Variants in DNAH8 observed in about 807,000 individuals in gnomAD.
DNAH8 encodes axonemal beta dynein heavy chain 8.
DNAH8 carries 382 observed loss-of-function variants against 562.1 expected under a neutral mutation model. The observed-to-expected ratio is 0.68, with a 90% CI of 0.63 to 0.74. The LOEUF (loss-of-function observed/expected upper bound fraction) is 0.74. Among genes scored for constraint, DNAH8 ranks in the 30% least tolerant of loss-of-function variants. The pLI is 0.00. For synonymous variants in DNAH8, 1,881 were observed against 1,919.4 expected, an observed-to-expected ratio of 0.98 and a Z score of 0.52; for missense variants, 5,203 against 5,620.4, an observed-to-expected ratio of 0.93 and a Z score of 2.37.
rs1780898758 is a variant in DNAH8 at position 38,911,565 on chromosome 6, CA to C, written c.9839del (p.Gln3280ArgfsTer5). Reference sequence around the variant, plus strand: ...TGAAAAGGTGAAGTTCATTAATGAACAGGCTGAACGTATGAATATTGGTAAG... The same window carrying C: ...TGAAAAGGTGAAGTTCATTAATGAACGGCTGAACGTATGAATATTGGTAAG... ...YAEKVKFINE[Q>X]AERMNIGLDK... On this transcript the variant is annotated frameshift_variant, in exon 66 of 93. Coordinates refer to ENST00000327475, the MANE Select transcript of DNAH8 (RefSeq NM_001206927.2). LOFTEE classifies it high-confidence loss of function. 6.2e-7 allele frequency: 1 copy of C among 1,605,040 alleles called. No individual in the cohort carries two copies. Among genetic ancestry groups the C allele is most frequent in the Non-Finnish European group, 8.5e-7 (1 of 1,172,002 alleles).
In DNAH8 at chr6:38,794,678, C is replaced by G. The variant is rs559803932; in HGVS notation, c.2901+3004C>G. ...TGCAGAATATATTCTCTATTTCTGA[C>G]TTCTTTTGCTCAGTGTTATATGTAT... On this transcript the variant is annotated intron_variant, in intron 21 of 92. Transcript: ENST00000327475. Among the ~76,000 whole-genome samples the G allele has an allele frequency of 1.3e-3, 204 of 152,298 alleles. 1 individual carries two copies. The highest frequency in any genetic ancestry group is 2.3e-3 in the Non-Finnish European group (159 of 68,026).
At chr6:39,023,977 C>T (rs557336996) in intron 91 of DNAH8, among the ~76,000 whole-genome samples, 1 of 152,344 alleles carries the variant, frequency 6.6e-6, no homozygotes, top group South Asian at 2.1e-4. Flanking sequence ...CAACATCATT[C>T]CCATTAGGGA....
intron 91 of DNAH8, among the ~76,000 whole-genome samples, chr6:39,023,571 A>C (rs1310702168): frequency 6.6e-6 from 1 of 152,240 alleles, no homozygotes; most frequent in African/African-American, 2.4e-5. Context: ...GCTCTTATAG[A>C]GAAAAATATA....
rs1779283441 is a variant in DNAH8, at chr6:38,890,662, A to G, written c.8484A>G (p.Gly2828=). Residue 2828 remains glycine (G), a synonymous_variant, in exon 58 of 93, where the codon GGA becomes GGG. Coordinates refer to ENST00000327475, the MANE Select transcript of DNAH8 (RefSeq NM_001206927.2). ...TTGCTTATCTTTCAGGAATTATTGG[A>G]TGTGGATACTTTGATCCTTGTAGAA... ...ASIDKIFGII[G]CGYFDPCRSF... 1 of 1,609,628 alleles carries G rather than the reference A, an allele frequency of 6.2e-7. No homozygotes were observed. Among genetic ancestry groups the G allele is most frequent in the Admixed American group, 1.7e-5 (1 of 60,002 alleles).
At chr6:39,003,440 A>G (rs1765610143) in intron 88 of DNAH8, among the ~76,000 whole-genome samples, 1 of 152,198 alleles carries the variant, frequency 6.6e-6, no homozygotes, top group Admixed American at 6.5e-5. Context: ...AATATTCTTT[A>G]TTCTAAAAGT....
chr6:38,732,639 C>A (rs146241273), intron 4 of DNAH8, among the ~76,000 whole-genome samples: 8 of 152,236 alleles, frequency 5.3e-5, no homozygotes, highest in Admixed American at 2.0e-4. Flanking sequence ...GATTTCAGGG[C>A]AGTTTCTTTA....
At chr6:38,806,953 C>T (rs1442467135) in intron 23 of DNAH8, among the ~76,000 whole-genome samples, 2 of 152,206 alleles carry the variant, frequency 1.3e-5, no homozygotes, top group African/African-American at 2.4e-5. Flanking sequence ...TCAGAGGGGC[C>T]GGGTTCTAGA....
chr6:38,834,683 T>G, intron 32 of DNAH8, 42 bp downstream of exon 32: 1 of 1,460,796 alleles, frequency 6.8e-7, no homozygotes, highest in Non-Finnish European at 9.4e-7. Flanking sequence ...ATGTGTAATT[T>G]AAAAAATTAT....
rs1166637129 is a variant in DNAH8, at chr6:39,008,880, A to T, written c.13281A>T (p.Gly4427=). ...CCAACATTCAACCCAAAGAGAGTGG[A>T]GGTGGTGTGGGAGAGACCCGGGAGG... ...TITNIQPKES[G]GGVGETREAI... The change falls in exon 89 of 93, where the codon GGA becomes GGT. Residue 4427 remains glycine (G), a synonymous_variant. Coordinates refer to ENST00000327475, the MANE Select transcript of DNAH8 (RefSeq NM_001206927.2). The T allele has an allele frequency of 6.2e-7, 1 of 1,606,310 alleles. No homozygotes were observed. The highest frequency in any genetic ancestry group is 8.5e-7 in the Non-Finnish European group (1 of 1,173,042).
At chr6:38,912,439 T>G (rs1780975065) in intron 66 of DNAH8, among the ~76,000 whole-genome samples, 1 of 152,170 alleles carries the variant, frequency 6.6e-6, no homozygotes, top group Non-Finnish European at 1.5e-5. Context: ...CACTCCAGCC[T>G]AGGTGACAGA....
chr6:38,847,754 C>G (rs1268692269), intron 36 of DNAH8, among the ~76,000 whole-genome samples: 1 of 152,216 alleles, frequency 6.6e-6, no homozygotes, highest in East Asian at 1.9e-4. Context: ...GCCCTTGCTA[C>G]ACACTGCAGT....
intron 89 of DNAH8, among the ~76,000 whole-genome samples, chr6:39,010,819 ACGTATGTATGTATGTATG>A (rs1766160639): frequency 2.8e-5 from 2 of 70,300 alleles, no homozygotes; most frequent in East Asian, 9.5e-4. Context: ...ACACACACAC[ACGTATGTATGTATGTATG>A]TATGTATGTA....
Position 38,853,297 on chromosome 6 carries a change from A to G in DNAH8, c.5683A>G (p.Ser1895Gly). The G allele has an allele frequency of 4.3e-6, 7 of 1,613,580 alleles. No homozygotes were observed. The highest frequency in any genetic ancestry group is 5.1e-6 in the Non-Finnish European group (6 of 1,179,774). The part of the protein sequence containing the change: ...NIIRSAFYQI[S>G]DSGFQLLPFL... ...AATTAGATCCGCTTTCTATCAAATC[A>G]GTGATTCAGGATTTCAACTCTTACC... The change falls in exon 41 of 93, where the codon AGT becomes GGT. Residue 1895 changes from serine to glycine, a missense_variant. By Grantham distance (56) the Ser-to-Gly change is moderately conservative (BLOSUM62 0). Around this residue, in one of 6 missense-constraint regions of DNAH8, gnomAD observed 2,176 missense variants for 2,365.1 expected, o/e 0.92. Coordinates refer to ENST00000327475, the MANE Select transcript of DNAH8 (RefSeq NM_001206927.2).
intron 53 of DNAH8, 71 bp from the exon 54 acceptor site, chr6:38,882,839 A>G (rs2150466033): frequency 9.2e-7 from 1 of 1,090,776 alleles, no homozygotes; most frequent in East Asian, 2.7e-5. Context: ...ATTGCACTTA[A>G]CATTTTTGTA....
At chr6:38,727,339 A>G (rs939256330) in intron 3 of DNAH8, among the ~76,000 whole-genome samples, 2 of 152,174 alleles carry the variant, frequency 1.3e-5, no homozygotes, top group East Asian at 1.9e-4. Context: ...TATGGAATCT[A>G]TCACCTGGGC....
At chr6:38,825,303 C>T (rs1361387848) in intron 28 of DNAH8, among the ~76,000 whole-genome samples, 1 of 152,082 alleles carries the variant, frequency 6.6e-6, no homozygotes, top group South Asian at 2.1e-4. Flanking sequence ...GCGGTGCAGC[C>T]ATGTTTCAAG....
At chr6:38,827,732 AC>A (rs1773473449) in intron 29 of DNAH8, among the ~76,000 whole-genome samples, 2 of 25,732 alleles carry the variant, frequency 7.8e-5, no homozygotes, top group Admixed American at 5.1e-4. Context: ...TCTTTACCAA[AC>A]TTTTTTTTTT....
rs78330394 is a variant in DNAH8 at position 38,970,622 on chromosome 6, A to G, written c.12452-970A>G. ...TGCCATTTAAATGGTGTGTCCTGAC[A>G]GTGTCTCTGGTTTCTGACATACTTC... is the stretch of plus-strand genomic sequence containing the variant. On this transcript the variant is annotated intron_variant, in intron 82 of 92. Transcript: ENST00000327475. 6.1e-4 allele frequency among the ~76,000 whole-genome samples: 93 copies of G among 152,274 alleles called. No individual in the cohort carries two copies. The East Asian group carries it at 0.013, about 22-fold the overall frequency.
intron 33 of DNAH8, among the ~76,000 whole-genome samples, chr6:38,839,864 G>A (rs1044267409): frequency 1.3e-5 from 2 of 152,144 alleles, no homozygotes; most frequent in East Asian, 3.9e-4. Flanking sequence ...GTTTCATCAT[G>A]TTGGTCAGGC....
Sources: allele counts gnomAD v4.1 joint callset (sites outside exome capture counted in the v4.1 genomes callset), GRCh38; gene constraint gnomAD v4.1.1; regional missense constraint gnomAD v4.1.1; transcripts MANE v1.5; gene names NCBI Gene and HGNC (gene_info 2026-07-23, HGNC 2026-07-21).